The following GPATCH2 variants were observed in gnomAD, a reference collection of about 807,000 sequenced individuals.
GPATCH2 encodes the protein G patch domain-containing protein 2.
In GPATCH2, 51 loss-of-function variants were observed where a neutral mutation model predicts 58.0. The observed-to-expected ratio is 0.88, with a 90% CI of 0.70 to 1.11. The LOEUF is 1.11. Among genes scored for constraint, GPATCH2 ranks in the 50% most tolerant of loss-of-function variants. The probability of loss-of-function intolerance (pLI) is 0.00; values close to 1 mark genes in which losing one functional copy is unlikely to be tolerated. For missense variants in GPATCH2, 625 were observed against 652.2 expected, an observed-to-expected ratio of 0.96 and a Z score of 0.45; for synonymous variants, 222 against 218.5, an observed-to-expected ratio of 1.02 and a Z score of -0.14.
At chr1:217,554,342 T>C (rs1354037919) in intron 5 of GPATCH2, among the ~76,000 whole-genome samples, 40 of 152,154 alleles carry the variant, frequency 2.6e-4, no homozygotes, top group Admixed American at 2.6e-3. Context: ...TCATCCTCAC[T>C]GAGCTCTGAA....
At chr1:217,433,380 ATATATTTATTTATTTATTTATT>A (rs1189415402) in intron 9 of GPATCH2, among the ~76,000 whole-genome samples, 8 of 51,078 alleles carry the variant, frequency 1.6e-4, no homozygotes, top group African/African-American at 8.1e-4. Context: ...ATATATATAT[ATATATTTATTTATTTATTTATT>A]TATTTATTTA....
chr1:217,448,601 A>G (rs1259506168), intron 9 of GPATCH2, among the ~76,000 whole-genome samples: 1 of 152,160 alleles, frequency 6.6e-6, no homozygotes, highest in African/African-American at 2.4e-5. Flanking sequence ...TCAGTAAGGC[A>G]GGCTTCCTGT....
chr1:217,542,209 A>G (rs1664779711), intron 5 of GPATCH2, among the ~76,000 whole-genome samples: 1 of 152,178 alleles, frequency 6.6e-6, no homozygotes, highest in African/African-American at 2.4e-5. Flanking sequence ...ACTAATAATA[A>G]CATACTGATT....
chr1:217,625,685 T>C (rs1344418977), intron 1 of GPATCH2, among the ~76,000 whole-genome samples: 1 of 152,116 alleles, frequency 6.6e-6, no homozygotes, highest in East Asian at 1.9e-4. Flanking sequence ...CCCAAGTTCA[T>C]ATTAAAAACA....
At chr1:217,617,598 A>G (rs574506285) in intron 2 of GPATCH2, among the ~76,000 whole-genome samples, 2 of 152,320 alleles carry the variant, frequency 1.3e-5, no homozygotes, top group Admixed American at 1.3e-4. Context: ...GGAAATATAA[A>G]GCTTTTTGTA....
intron 1 of GPATCH2, among the ~76,000 whole-genome samples, chr1:217,626,974 C>A (rs1211691838): frequency 6.6e-6 from 1 of 150,666 alleles, no homozygotes; most frequent in Non-Finnish European, 1.5e-5. Context: ...TAGGAAACAC[C>A]ATTCTCTAGG....
intron 5 of GPATCH2, among the ~76,000 whole-genome samples, chr1:217,552,067 T>C (rs982610923): frequency 2.0e-5 from 3 of 152,140 alleles, no homozygotes; most frequent in Non-Finnish European, 4.4e-5. Context: ...CTAACATAAC[T>C]TCAAGTAGTA....
intron 8 of GPATCH2, among the ~76,000 whole-genome samples, chr1:217,484,813 GT>G (rs1362111466): frequency 2.0e-5 from 3 of 150,880 alleles, no homozygotes; most frequent in African/African-American, 7.3e-5. Flanking sequence ...ATATGTATAT[GT>G]GTATATAGAT....
intron 8 of GPATCH2, among the ~76,000 whole-genome samples, chr1:217,462,873 T>C (rs1316358719): frequency 6.6e-6 from 1 of 152,216 alleles, no homozygotes; most frequent in African/African-American, 2.4e-5. Flanking sequence ...GCTCCCTTAC[T>C]TAACAACTTG....
chr1:217,525,831 C>A (rs1192491538), intron 5 of GPATCH2, among the ~76,000 whole-genome samples: 1 of 152,020 alleles, frequency 6.6e-6, no homozygotes, highest in African/African-American at 2.4e-5. Flanking sequence ...GAAAAAAATT[C>A]TACATGCACA....
intron 5 of GPATCH2, among the ~76,000 whole-genome samples, chr1:217,596,437 T>G (rs972302745): frequency 4.6e-5 from 7 of 152,178 alleles, no homozygotes; most frequent in African/African-American, 1.7e-4. Flanking sequence ...CATTTGTCCC[T>G]CAGTTTCCTG....
At chr1:217,464,921 A>T (rs1271766057) in intron 8 of GPATCH2, among the ~76,000 whole-genome samples, 1 of 152,160 alleles carries the variant, frequency 6.6e-6, no homozygotes. Flanking sequence ...TACTCTAGAT[A>T]TGCCCACAAA....
At chr1:217,576,935 A>G (rs185969994) in intron 5 of GPATCH2, among the ~76,000 whole-genome samples, 27 of 152,344 alleles carry the variant, frequency 1.8e-4, no homozygotes, top group African/African-American at 6.0e-4. Context: ...TTGGCTTTTT[A>G]GCATTGTTTT....
At chr1:217,516,445 C>T (rs1218676223) in intron 5 of GPATCH2, among the ~76,000 whole-genome samples, 1 of 152,166 alleles carries the variant, frequency 6.6e-6, no homozygotes, top group Non-Finnish European at 1.5e-5. Context: ...ATTAATAACC[C>T]TATGGTTTGA....
Position 217,500,540 on chromosome 1 carries a change from T to C in GPATCH2, c.1167-2145A>G, listed in dbSNP as rs546349768. Among the ~76,000 whole-genome samples the C allele has an allele frequency of 2.0e-5, 3 of 152,134 alleles. No individual in the cohort carries two copies. In the East Asian group the frequency reaches 5.8e-4, roughly 29 times the overall value. Reference sequence around the variant, plus strand: ...TTGTTTGAGTTGATTTTTTCCCGCTTGTTTGTTTTCTTCTTCATATTCTTA... The same window carrying C: ...TTGTTTGAGTTGATTTTTTCCCGCTCGTTTGTTTTCTTCTTCATATTCTTA... On this transcript the variant is annotated intron_variant, in intron 6 of 9. Transcript: ENST00000366935.
chr1:217,555,989 T>G (rs887691115), intron 5 of GPATCH2, among the ~76,000 whole-genome samples: 1 of 152,212 alleles, frequency 6.6e-6, no homozygotes, highest in Non-Finnish European at 1.5e-5. Context: ...AACTTATAAA[T>G]CATTTGAACT....
At chr1:217,582,204 C>T (rs562119526) in intron 5 of GPATCH2, among the ~76,000 whole-genome samples, 51 of 152,184 alleles carry the variant, frequency 3.4e-4, no homozygotes, top group African/African-American at 9.2e-4. Context: ...TGCCATTCCC[C>T]GCTGCATCTC....
Position 217,630,938 on chromosome 1 carries a change from C to T in GPATCH2, c.34G>A (p.Ala12Thr). 6.3e-7 allele frequency: 1 copy of T among 1,590,546 alleles called. No homozygotes were observed. Among genetic ancestry groups the T allele is most frequent in the Non-Finnish European group, 8.5e-7 (1 of 1,173,638 alleles). ...CACCAGCTGTTCCCGGCTGCTGGAG[C>T]TCCGATCGGTTGGCGCCCGGCGGCC... ...FGAAGRQPIGAPAAGNSWHFS... is the reference protein window; with the variant it reads ...FGAAGRQPIGTPAAGNSWHFS... The change falls in exon 1 of 10, where the codon GCT becomes ACT. Residue 12 changes from alanine to threonine, a missense_variant. Coordinates refer to ENST00000366935, the MANE Select transcript of GPATCH2 (RefSeq NM_018040.5).
intron 5 of GPATCH2, among the ~76,000 whole-genome samples, chr1:217,605,494 A>G (rs1668311419): frequency 6.6e-6 from 1 of 152,238 alleles, no homozygotes; most frequent in Admixed American, 6.5e-5. Flanking sequence ...AAGTGGACTG[A>G]GGCAATTATA....
Sources: gnomAD v4.1 joint callset for allele counts (sites outside exome capture counted in the v4.1 genomes callset) on GRCh38, gnomAD v4.1.1 for gene constraint, MANE v1.5 for transcripts, NCBI Gene and HGNC (gene_info 2026-07-23, HGNC 2026-07-21) for gene names.